Variants in ATP6V1H observed in about 807,000 individuals in gnomAD.
ATP6V1H encodes ATPase H+ transporting V1 subunit H.
ATP6V1H carries 39 observed loss-of-function variants against 71.7 expected under a neutral mutation model. The ratio of observed to expected loss-of-function variants is 0.54; its 90% CI spans 0.42 to 0.71. The LOEUF is 0.71. ATP6V1H is among the 30% of genes least tolerant of loss of function. The probability of loss-of-function intolerance (pLI) is 0.00; values close to 1 mark genes in which losing one functional copy is unlikely to be tolerated. For missense variants in ATP6V1H, 509 were observed against 594.9 expected (o/e 0.86, Z 1.50); for synonymous variants, 192 against 199.3 (o/e 0.96, Z 0.31).
Position 53,772,162 on chromosome 8 carries a change from A to G in ATP6V1H, c.876T>C (p.Phe292=), listed in dbSNP as rs761522867. 2 of 1,611,050 alleles carry G rather than the reference A, an allele frequency of 1.2e-6. No individual in the cohort carries two copies. The highest frequency in any genetic ancestry group is 1.7e-6 in the Non-Finnish European group (2 of 1,178,858). ...TTTCTCTTTCAGTTGATTTTTCTAA[A>G]AAGTTCTGGGTTAGACAAAGTGATA... is the stretch of plus-strand genomic sequence containing the variant. ...TRIILAAFRN[F]LEKSTERETR... is the part of the protein sequence containing the mutation. Residue 292 remains phenylalanine (F), a synonymous_variant, in exon 10 of 14, where the codon TTT becomes TTC. Coordinates refer to ENST00000359530, the MANE Select transcript of ATP6V1H (RefSeq NM_015941.4).
intron 4 of ATP6V1H, among the ~76,000 whole-genome samples, chr8:53,820,296 A>AAAGAAG (rs765848283): frequency 7.2e-5 from 11 of 151,894 alleles, no homozygotes; most frequent in African/African-American, 2.7e-4. Context: ...GTTTAAAAAA[A>AAAGAAG]AAGAAGAAGA....
At chr8:53,743,506 A>G (rs1393828521) in intron 13 of ATP6V1H, 71 bp downstream of exon 13, 2 of 1,067,364 alleles carry the variant, frequency 1.9e-6, no homozygotes, top group East Asian at 2.4e-5. Context: ...GCATTTGCAT[A>G]AGAACTTTTA....
At chr8:53,756,791 T>A in intron 11 of ATP6V1H, 135 bp from the exon 12 acceptor site, 1 of 562,560 alleles carries the variant, frequency 1.8e-6, no homozygotes, top group Non-Finnish European at 3.0e-6. Flanking sequence ...AGGATTTCAC[T>A]ATTAGACATA....
chr8:53,817,133 G>C (rs1456852461), intron 5 of ATP6V1H, among the ~76,000 whole-genome samples: 2 of 151,682 alleles, frequency 1.3e-5, no homozygotes, highest in Non-Finnish European at 2.9e-5. Flanking sequence ...AAAGGCCCAG[G>C]TTTCTTTCTT....
Position 53,774,913 on chromosome 8 carries a change from G to T in ATP6V1H, c.871-2746C>A, listed in dbSNP as rs938016102. Among the ~76,000 whole-genome samples, 4 of 152,172 alleles carry T rather than the reference G, an allele frequency of 2.6e-5. No homozygotes were observed. The East Asian group carries it at 7.7e-4, about 29-fold the overall frequency. On this transcript the variant is annotated intron_variant, in intron 9 of 13. Coordinates refer to ENST00000359530, the MANE Select transcript of ATP6V1H (RefSeq NM_015941.4). Reference sequence around the variant, plus strand: ...GAAACATAAAGAAGACCCAAATTCTGCATATGAACTCTGCCCAAATCTCTA... The same window carrying T: ...GAAACATAAAGAAGACCCAAATTCTTCATATGAACTCTGCCCAAATCTCTA...
chr8:53,819,241 T>C (rs1234959201), intron 4 of ATP6V1H, among the ~76,000 whole-genome samples: 1 of 151,134 alleles, frequency 6.6e-6, no homozygotes, highest in Admixed American at 6.6e-5. Flanking sequence ...AATAAAAATA[T>C]ATACATTGGG....
intron 7 of ATP6V1H, among the ~76,000 whole-genome samples, chr8:53,804,734 T>C (rs1810023173): frequency 6.6e-6 from 1 of 152,202 alleles, no homozygotes; most frequent in African/African-American, 2.4e-5. Context: ...CTCTTCATGC[T>C]TGAGCTAGTA....
chr8:53,762,997 C>G (rs1808329411), intron 11 of ATP6V1H, among the ~76,000 whole-genome samples: 1 of 152,132 alleles, frequency 6.6e-6, no homozygotes, highest in Non-Finnish European at 1.5e-5. Context: ...TTCTTAATAA[C>G]ATTTTTTCTC....
rs16919569 is a variant in ATP6V1H at position 53,802,050 on chromosome 8, T to C, written c.580-154A>G. Among the ~76,000 whole-genome samples the C allele has an allele frequency of 2.0e-3, 307 of 152,326 alleles. 3 individuals carry two copies. Among genetic ancestry groups the C allele is most frequent in the African/African-American group, 7.0e-3 (291 of 41,574 alleles). On this transcript the variant is annotated intron_variant, in intron 7 of 13. Coordinates refer to ENST00000359530, the MANE Select transcript of ATP6V1H (RefSeq NM_015941.4). Reference sequence around the variant, plus strand: ...CTCTTTTCAAAAGTTAATCCTCATGTTTGCTTTAATCTCTACCTCTTAGAA... The same window carrying C: ...CTCTTTTCAAAAGTTAATCCTCATGCTTGCTTTAATCTCTACCTCTTAGAA...
At chr8:53,725,979 C>A (rs189061672) in intron 13 of ATP6V1H, among the ~76,000 whole-genome samples, 269 of 152,226 alleles carry the variant, frequency 1.8e-3, no homozygotes, top group Admixed American at 4.6e-3. Flanking sequence ...TTTTAATTAG[C>A]AAAATGTAAA....
At chr8:53,736,664 G>C (rs886690790) in intron 13 of ATP6V1H, among the ~76,000 whole-genome samples, 1 of 146,374 alleles carries the variant, frequency 6.8e-6, no homozygotes, top group Non-Finnish European at 1.5e-5. Flanking sequence ...AGAAAACCTC[G>C]GCACAAATGT....
chr8:53,780,558 C>T (rs1396220614), intron 9 of ATP6V1H, among the ~76,000 whole-genome samples: 2 of 151,556 alleles, frequency 1.3e-5, no homozygotes, highest in East Asian at 3.9e-4. Flanking sequence ...ATTATTATTA[C>T]ACTTTAAGTT....
At chr8:53,717,656 A>G (rs1442005207) in intron 13 of ATP6V1H, among the ~76,000 whole-genome samples, 1 of 152,166 alleles carries the variant, frequency 6.6e-6, no homozygotes, top group Non-Finnish European at 1.5e-5. Flanking sequence ...AAGAGTTTAC[A>G]GTCACTATCA....
At chr8:53,763,390 C>T (rs1302404785) in intron 11 of ATP6V1H, among the ~76,000 whole-genome samples, 2 of 152,062 alleles carry the variant, frequency 1.3e-5, no homozygotes, top group African/African-American at 4.8e-5. Context: ...AAAAGACATG[C>T]AAAACTTATT....
intron 13 of ATP6V1H, among the ~76,000 whole-genome samples, chr8:53,717,994 G>A (rs968217256): frequency 4.6e-5 from 7 of 152,146 alleles, no homozygotes; most frequent in African/African-American, 7.2e-5. Context: ...CTAAATGTAA[G>A]TTTCCAAAAA....
intron 7 of ATP6V1H, chr8:53,806,874 A>G (rs1163239647): frequency 6.6e-6 from 3 of 455,070 alleles, no homozygotes; most frequent in South Asian, 3.1e-5. Flanking sequence ...AGTGAAAATC[A>G]TAATGGTCAT....
chr8:53,758,649 C>G (rs1457790193), intron 11 of ATP6V1H, among the ~76,000 whole-genome samples: 1 of 152,232 alleles, frequency 6.6e-6, no homozygotes, highest in Non-Finnish European at 1.5e-5. Flanking sequence ...AGGTAGCCAT[C>G]TTCAAGCTTT....
chr8:53,772,903 C>CAAAAAAAAAAAAAAA (rs201949406), intron 9 of ATP6V1H, among the ~76,000 whole-genome samples: 1 of 59,406 alleles, frequency 1.7e-5, no homozygotes, highest in African/African-American at 6.3e-5. Context: ...CTATCAAATG[C>CAAAAAAAAAAAAAAA]AAAAAAAAAA....
At chr8:53,722,353 G>A (rs1403892527) in intron 13 of ATP6V1H, among the ~76,000 whole-genome samples, 1 of 152,126 alleles carries the variant, frequency 6.6e-6, no homozygotes, top group East Asian at 1.9e-4. Flanking sequence ...TCAGCAAGTG[G>A]TTATAATCAA....
Sources: allele counts gnomAD v4.1 joint callset (sites outside exome capture counted in the v4.1 genomes callset), GRCh38; gene constraint gnomAD v4.1.1; transcripts MANE v1.5; gene names NCBI Gene and HGNC (gene_info 2026-07-23, HGNC 2026-07-21).